The following LBHD1 variants were observed in gnomAD, a reference collection of about 807,000 sequenced individuals.
LBHD1 encodes LBH domain containing 1, also known as LBH domain-containing protein 1.
Under a neutral mutation model 31.1 loss-of-function variants are expected in LBHD1, and 28 were observed. The ratio of observed to expected loss-of-function variants is 0.90; its 90% confidence interval spans 0.67 to 1.24. LBHD1 has a LOEUF of 1.24. Among genes scored for constraint, LBHD1 ranks in the 50% most tolerant of loss-of-function variants. LBHD1 has a pLI of 0.00. For synonymous variants in LBHD1, 105 were observed against 116.5 expected (o/e 0.90, Z 0.63); for missense variants, 350 against 323.0 (o/e 1.08, Z -0.64).
chr11:62,671,583 G>A lies in LBHD1; in HGVS notation c.-30C>T, dbSNP rs192902177. On this transcript the variant is annotated 5_prime_UTR_variant, in exon 1 of 7. Coordinates refer to ENST00000354588, the MANE Select transcript of LBHD1 (RefSeq NM_024099.5). Reference sequence around the variant, plus strand: ...CTAAACCTGAGATCCAAGCGCTCCGGATTCCAAACGTTTCCTCGAGCAGGT... The same window carrying A: ...CTAAACCTGAGATCCAAGCGCTCCGAATTCCAAACGTTTCCTCGAGCAGGT... 4.2e-5 allele frequency: 62 copies of A among 1,463,662 alleles called. No individual in the cohort carries two copies. The East Asian group carries it at 1.3e-3, about 31-fold the overall frequency. The allele number at this position is 1,463,662 out of a possible 1,614,324, so 90.7% of individuals were successfully genotyped here.
chr11:62,670,983 C>T (rs985398439), intron 1 of LBHD1: 8 of 240,558 alleles, frequency 3.3e-5, no homozygotes, highest in Non-Finnish European at 6.0e-5. Flanking sequence ...CCTGTAATCC[C>T]AGCTATCCGG....
At chr11:62,669,211 C>T (rs1303713506) in intron 3 of LBHD1, among the ~76,000 whole-genome samples, 1 of 152,044 alleles carries the variant, frequency 6.6e-6, no homozygotes, top group African/African-American at 2.4e-5. Flanking sequence ...TGAGCCACCG[C>T]GGCCAGCCTT....
chr11:62,668,172 CATGA>C (rs1944870696), intron 3 of LBHD1: 1 of 175,610 alleles, frequency 5.7e-6, no homozygotes, highest in African/African-American at 2.4e-5. Context: ...TTCTGAAAAT[CATGA>C]AGTAAAAGTG....
At chr11:62,664,572 C>A (rs962815009) in intron 5 of LBHD1, among the ~76,000 whole-genome samples, 2 of 152,086 alleles carry the variant, frequency 1.3e-5, no homozygotes, top group African/African-American at 4.8e-5. Context: ...CTCAGGTGAT[C>A]CGCCCACCTC....
chr11:62,665,257 G>A, intron 4 of LBHD1: 3 of 748,922 alleles, frequency 4.0e-6, no homozygotes, highest in Middle Eastern at 2.9e-4. Flanking sequence ...CGGGCCAATC[G>A]CAACTCGGGG....
At chr11:62,666,987 T>G in intron 4 of LBHD1, 4 of 1,614,092 alleles carry the variant, frequency 2.5e-6, no homozygotes, top group Non-Finnish European at 3.4e-6. Flanking sequence ...ACTGTGACTG[T>G]GCAGGAGCTA....
intron 4 of LBHD1, chr11:62,666,903 G>A (rs759909739): frequency 1.9e-6 from 3 of 1,613,692 alleles, no homozygotes; most frequent in South Asian, 1.1e-5. Context: ...AACCCTCAGG[G>A]GACCCTGATT....
intron 1 of LBHD1, chr11:62,671,332 C>T: frequency 9.9e-7 from 1 of 1,013,638 alleles, no homozygotes; most frequent in Non-Finnish European, 1.4e-6. Context: ...GCCCTCCATG[C>T]GCTGTGTTGA....
rs758042426 is a variant in LBHD1, at chr11:62,664,953, G to A, written c.559C>T (p.Gln187Ter). The A allele has an allele frequency of 1.2e-5, 19 of 1,612,002 alleles. No homozygotes were observed. The highest frequency in any genetic ancestry group is 1.3e-5 in the Non-Finnish European group (15 of 1,179,492). ...CCCGATTCAACACCCGCCGGCGTTTGAACAGCTTCTTCTTCAGCTCCTGCC... is the reference window on the plus strand; with the variant it reads ...CCCGATTCAACACCCGCCGGCGTTTAAACAGCTTCTTCTTCAGCTCCTGCC... ...SFEGAEEEAV[Q>*]TPAGVESGAA... Residue 187 changes from glutamine to a stop codon, truncating the protein, a stop_gained, in exon 5 of 7, where the codon CAA becomes TAA. Transcript: ENST00000354588. LOFTEE classifies it high-confidence loss of function.
At position 62,666,859 on chromosome 11, in the gene LBHD1, TTACCAGC is replaced by T. The variant is rs1489307226; in HGVS notation, c.538+657_538+663del. 5 of 1,614,164 alleles carry T rather than the reference TTACCAGC, an allele frequency of 3.1e-6. No homozygotes were observed. The South Asian group carries it at 3.3e-5, about 11-fold the overall frequency. On this transcript the variant is annotated intron_variant, in intron 4 of 6. Coordinates refer to ENST00000354588, the MANE Select transcript of LBHD1 (RefSeq NM_024099.5). Reference sequence around the variant, plus strand: ...TTGCCCGGGGAGGTCTGCCTAGGGCTTACCAGCTTCTATCAGAATGCTTGAGGGTTCT... The same window carrying T: ...TTGCCCGGGGAGGTCTGCCTAGGGCTTTCTATCAGAATGCTTGAGGGTTCT...
chr11:62,664,530 C>T (rs1944741528), intron 5 of LBHD1, among the ~76,000 whole-genome samples: 1 of 151,990 alleles, frequency 6.6e-6, no homozygotes, highest in African/African-American at 2.4e-5. Context: ...GGGGTTTCAC[C>T]ATGTTGGTCA....
At chr11:62,665,185 C>G (rs930886721) in intron 4 of LBHD1, 1 of 817,548 alleles carries the variant, frequency 1.2e-6, no homozygotes, top group African/African-American at 1.7e-5. Context: ...CGATTCCACT[C>G]CAGTTCACGG....
intron 4 of LBHD1, chr11:62,667,222 G>T: frequency 2.9e-6 from 2 of 696,256 alleles, no homozygotes; most frequent in South Asian, 1.9e-5. Context: ...CTCATCTGCA[G>T]AGTGAGAATA....
At position 62,663,318 on chromosome 11, in the gene LBHD1, G is replaced by C. The variant is rs747747898; in HGVS notation, c.679C>G (p.Gln227Glu). 3 of 1,614,066 alleles carry C rather than the reference G, an allele frequency of 1.9e-6. No individual in the cohort carries two copies. The East Asian group carries it at 6.7e-5, about 36-fold the overall frequency. ...PQEAGVQCTC[Q>E]HYTVREEAQK... is the part of the protein sequence containing the mutation. The stretch of plus-strand genomic sequence containing the variant: ...GCTTCTTCCCTGACAGTGTAATGTT[G>C]GCACGTGCACTGGACCTGATGGGTA... The change falls in exon 6 of 7, where the codon CAA becomes GAA. Residue 227 changes from glutamine to glutamate, a missense_variant. Coordinates refer to ENST00000354588, the MANE Select transcript of LBHD1 (RefSeq NM_024099.5).
In LBHD1 at chr11:62,666,622, A is replaced by C. The variant is rs932466674; in HGVS notation, c.538+901T>G. On this transcript the variant is annotated intron_variant, in intron 4 of 6. Coordinates refer to ENST00000354588, the MANE Select transcript of LBHD1 (RefSeq NM_024099.5). ...GTACAGGCCTCTACACCAAATCTCC[A>C]CACCCAGTGGATGTGCTGGGGGTGG... The C allele has an allele frequency of 2.5e-6, 4 of 1,613,990 alleles. No individual in the cohort carries two copies. The Admixed American group carries it at 5.0e-5, about 20-fold the overall frequency.
chr11:62,664,858 T>C lies in LBHD1; in HGVS notation c.654A>G (p.Gln218=). Residue 218 remains glutamine, a synonymous_variant, in exon 5 of 7, where the codon CAA becomes CAG. Transcript: ENST00000354588. ...AGGGTCTAGTACTTACGCCCGCTTC[T>C]TGAGGTGGTGCCGCGTGATCAGCCC... is the stretch of plus-strand genomic sequence containing the variant. ...RPRADHAAPP[Q]EAGVQCTCQH... 6.4e-7 allele frequency: 1 copy of C among 1,570,806 alleles called. No homozygotes were observed. The highest frequency in any genetic ancestry group is 8.6e-7 in the Non-Finnish European group (1 of 1,157,522).
intron 1 of LBHD1, chr11:62,671,342 A>G (rs778923491): frequency 2.8e-5 from 33 of 1,173,000 alleles, no homozygotes; most frequent in Middle Eastern, 2.2e-4. Context: ...CGCTGTGTTG[A>G]AAACGCGCGG....
intron 4 of LBHD1, chr11:62,666,763 T>C (rs1308864345): frequency 2.5e-6 from 4 of 1,614,176 alleles, no homozygotes; most frequent in Admixed American, 1.7e-5. Flanking sequence ...ACGCCGATGC[T>C]CAGAACCTGG....
intron 1 of LBHD1, 48 bp downstream of exon 1, chr11:62,671,516 G>C: frequency 7.1e-7 from 1 of 1,399,958 alleles, no homozygotes; most frequent in South Asian, 1.5e-5. Flanking sequence ...CCCGCGCTCA[G>C]CCCTTGGTGC....
Sources: allele counts gnomAD v4.1 joint callset (sites outside exome capture counted in the v4.1 genomes callset), GRCh38; gene constraint gnomAD v4.1.1; transcripts MANE v1.5; gene names NCBI Gene and HGNC (gene_info 2026-07-23, HGNC 2026-07-21).